Variants in UBE2D2 observed in about 807,000 individuals in gnomAD.
The protein encoded by UBE2D2 is ubiquitin conjugating enzyme E2 D2, also known as ubiquitin-conjugating enzyme E2 D2.
In UBE2D2, 2 loss-of-function variants were observed where a neutral mutation model predicts 24.2. The observed-to-expected ratio is 0.08, with a 90% CI of 0.03 to 0.26. The LOEUF (loss-of-function observed/expected upper bound fraction) is 0.26, where lower values mean the gene tolerates loss of function less well. Among genes scored for constraint, UBE2D2 ranks in the 10% least tolerant of loss-of-function variants. The pLI is 1.00. For missense variants in UBE2D2, 44 were observed against 177.6 expected, an observed-to-expected ratio of 0.25 and a Z score of 4.28; for synonymous variants, 58 against 56.5, an observed-to-expected ratio of 1.03 and a Z score of -0.12.
At chr5:139,608,807 G>A (rs556669807) in intron 2 of UBE2D2, among the ~76,000 whole-genome samples, 3 of 152,174 alleles carry the variant, frequency 2.0e-5, no homozygotes, top group Admixed American at 6.5e-5. Context: ...ATTTAAGGCC[G>A]GGCCTGGTGG....
At chr5:139,602,323 A>AC (rs1754096087) in intron 2 of UBE2D2, among the ~76,000 whole-genome samples, 1 of 152,232 alleles carries the variant, frequency 6.6e-6, no homozygotes, top group Non-Finnish European at 1.5e-5. Context: ...AAGTTCTGGA[A>AC]TTACAGGCGT....
Position 139,561,609 on chromosome 5 carries a change from G to A in UBE2D2, c.-183G>A. ...CGCCGGGTGATGCGGTGACCGCTGC[G>A]GCAGGCCCAGGAGCTGAGTGGGCCC... On this transcript the variant is annotated 5_prime_UTR_variant, in exon 1 of 7. Transcript: ENST00000398733. 2.2e-6 allele frequency: 1 copy of A among 447,072 alleles called. No homozygotes were observed. Among genetic ancestry groups the A allele is most frequent in the Non-Finnish European group, 3.9e-6 (1 of 256,282 alleles). 27.7% of individuals were successfully genotyped at this position (447,072 alleles called of 1,614,324 possible).
At chr5:139,544,581 C>T (rs535677639) in intron 1 of UBE2D2, among the ~76,000 whole-genome samples, 8 of 151,618 alleles carry the variant, frequency 5.3e-5, no homozygotes, top group South Asian at 2.1e-4. Context: ...TGAGCCACTG[C>T]GCCCTGCCAA....
chr5:139,589,962 T>C (rs1023153002), intron 1 of UBE2D2, among the ~76,000 whole-genome samples: 1 of 152,042 alleles, frequency 6.6e-6, no homozygotes, highest in Non-Finnish European at 1.5e-5. Context: ...TTTTTTGTGT[T>C]TTTAGTAGAG....
chr5:139,601,115 T>C (rs1319134340), intron 2 of UBE2D2, among the ~76,000 whole-genome samples: 1 of 152,210 alleles, frequency 6.6e-6, no homozygotes, highest in African/African-American at 2.4e-5. Context: ...AAGCAGGTCT[T>C]TATTTTTAAT....
intron 1 of UBE2D2, among the ~76,000 whole-genome samples, chr5:139,548,286 T>A (rs1752865618): frequency 6.6e-6 from 1 of 151,462 alleles, no homozygotes; most frequent in South Asian, 2.1e-4. Context: ...CGGCCTCTCA[T>A]TCAAGTGTTC....
intron 1 of UBE2D2, among the ~76,000 whole-genome samples, chr5:139,568,742 G>A (rs1219946358): frequency 2.6e-5 from 4 of 152,200 alleles, no homozygotes; most frequent in Non-Finnish European, 4.4e-5. Flanking sequence ...GGATGCCGAG[G>A]TGAGTGGATC....
At chr5:139,553,292 A>G (rs1386466493) in intron 1 of UBE2D2, among the ~76,000 whole-genome samples, 1 of 152,170 alleles carries the variant, frequency 6.6e-6, no homozygotes, top group Non-Finnish European at 1.5e-5. Context: ...TTCTCATAAA[A>G]CACGATGAGC....
At chr5:139,529,262 G>A (rs1489327865) in intron 1 of UBE2D2, among the ~76,000 whole-genome samples, 1 of 152,120 alleles carries the variant, frequency 6.6e-6, no homozygotes, top group East Asian at 1.9e-4. Flanking sequence ...CAAGATCACA[G>A]TCTTTGAAGT....
chr5:139,533,775 T>C (rs959479644), intron 1 of UBE2D2, among the ~76,000 whole-genome samples: 18 of 148,916 alleles, frequency 1.2e-4, no homozygotes, highest in Non-Finnish European at 2.5e-4. Flanking sequence ...TCAGCATAAA[T>C]TAAAAAACAT....
chr5:139,545,416 A>G (rs1752812917), intron 1 of UBE2D2, among the ~76,000 whole-genome samples: 1 of 121,246 alleles, frequency 8.2e-6, no homozygotes, highest in African/African-American at 3.2e-5. Flanking sequence ...CAGATTTTAA[A>G]TTTTCTTTTT....
At chr5:139,626,311 C>T (rs1171617419) in intron 6 of UBE2D2, among the ~76,000 whole-genome samples, 1 of 152,184 alleles carries the variant, frequency 6.6e-6, no homozygotes, top group Non-Finnish European at 1.5e-5. Context: ...CTCAAGTGAT[C>T]CACCCGACTC....
rs535702265 is a variant in UBE2D2 at position 139,615,251 on chromosome 5, G to A, written c.304+285G>A. Among the ~76,000 whole-genome samples, 10 of 152,262 alleles carry A rather than the reference G, an allele frequency of 6.6e-5. No homozygotes were observed. In the South Asian group the frequency reaches 1.2e-3, roughly 19 times the overall value. ...TGTAATCTCAGCACTTTGGGAGGCC[G>A]AGGCGGGCAGATCACAAGGTCAGCA... On this transcript the variant is annotated intron_variant, in intron 5 of 6. Coordinates refer to ENST00000398733, the MANE Select transcript of UBE2D2 (RefSeq NM_003339.3).
chr5:139,570,249 C>T (rs1449555161), intron 1 of UBE2D2, among the ~76,000 whole-genome samples: 2 of 152,120 alleles, frequency 1.3e-5, no homozygotes, highest in African/African-American at 4.8e-5. Context: ...CCAGCCTGGG[C>T]AGCAGAGCCA....
intron 1 of UBE2D2, among the ~76,000 whole-genome samples, chr5:139,597,146 A>G (rs1403142622): frequency 1.3e-5 from 2 of 152,112 alleles, no homozygotes; most frequent in East Asian, 1.9e-4. Flanking sequence ...TAGTTGTCCA[A>G]TCTCTACCAA....
At chr5:139,596,715 A>G (rs996280690) in intron 1 of UBE2D2, among the ~76,000 whole-genome samples, 2 of 151,934 alleles carry the variant, frequency 1.3e-5, no homozygotes, top group East Asian at 3.9e-4. Context: ...AGCCTGGGAA[A>G]CATAGTGAGA....
chr5:139,605,591 CAAAAAAAAAAAA>C (rs70988710), intron 2 of UBE2D2, among the ~76,000 whole-genome samples: 4 of 44,708 alleles, frequency 8.9e-5, no homozygotes, highest in Admixed American at 6.4e-4. Flanking sequence ...GACTCTGTCT[CAAAAAAAAAAAA>C]AAAAAAAAAA....
rs765752057 is a variant in UBE2D2, at chr5:139,554,462, C to CT, written c.-64+27852dup. On this transcript the variant is annotated intron_variant, in intron 1 of 6. Coordinates refer to the UBE2D2 transcript ENST00000511725. Reference sequence around the variant, plus strand: ...CAGCCCATATTCTGTTTTTGTTTTGCTTATCATTTTGAGATCCACCCATGT... The same window carrying CT: ...CAGCCCATATTCTGTTTTTGTTTTGCTTTATCATTTTGAGATCCACCCATGT... 6.4e-4 allele frequency among the ~76,000 whole-genome samples: 97 copies of CT among 152,270 alleles called. No homozygotes were observed. The Middle Eastern group carries it at 0.02, about 32-fold the overall frequency.
intron 1 of UBE2D2, among the ~76,000 whole-genome samples, chr5:139,580,316 C>T (rs1398159868): frequency 7.9e-5 from 12 of 152,208 alleles, no homozygotes; most frequent in South Asian, 4.2e-4. Context: ...ACGCCCACCT[C>T]AGCCTTCCAA....
Sources: gnomAD v4.1 joint callset for allele counts (sites outside exome capture counted in the v4.1 genomes callset) on GRCh38, gnomAD v4.1.1 for gene constraint, MANE v1.5 for transcripts, NCBI Gene and HGNC (gene_info 2026-07-23, HGNC 2026-07-21) for gene names.